HAAO: variants seen among roughly 807,000 people sequenced by gnomAD.
HAAO encodes 3-hydroxyanthranilate oxygenase.
In HAAO, 49 loss-of-function variants were observed where a neutral mutation model predicts 46.2. The observed-to-expected ratio is 1.06, with a 90% CI of 0.84 to 1.34. The LOEUF (loss-of-function observed/expected upper bound fraction) is 1.34. Among genes scored for constraint, HAAO ranks in the 40% most tolerant of loss-of-function variants. The pLI is 0.00. For missense variants in HAAO, 408 were observed against 364.5 expected (o/e 1.12, Z -0.97); for synonymous variants, 157 against 145.2 (o/e 1.08, Z -0.58).
chr2:42,788,684 G>T (rs1573958904), intron 1 of HAAO, 77 bp from the exon 2 acceptor site: 1 of 955,312 alleles, frequency 1.0e-6, no homozygotes, highest in Non-Finnish European at 1.7e-6. Context: ...GTGGGGGCCA[G>T]GAGGGAGCCT....
intron 2 of HAAO, among the ~76,000 whole-genome samples, chr2:42,786,231 G>A (rs942268319): frequency 2.0e-5 from 3 of 152,170 alleles, no homozygotes; most frequent in Non-Finnish European, 2.9e-5. Flanking sequence ...CCTGCTCAGA[G>A]GTCTTCCCTG....
intron 4 of HAAO, among the ~76,000 whole-genome samples, chr2:42,779,656 T>C (rs1671845695): frequency 2.0e-5 from 3 of 152,244 alleles, no homozygotes; most frequent in Admixed American, 6.5e-5. Context: ...GTTTGGAACA[T>C]TAAGTCTCTT....
At chr2:42,790,715 A>G (rs570772877) in intron 1 of HAAO, among the ~76,000 whole-genome samples, 2 of 152,104 alleles carry the variant, frequency 1.3e-5, no homozygotes, top group Non-Finnish European at 2.9e-5. Flanking sequence ...TATTTTTAGC[A>G]GAGACGGGGT....
chr2:42,790,914 T>C (rs12998043), intron 1 of HAAO, among the ~76,000 whole-genome samples: 121,775 of 152,152 alleles, frequency 0.8, 49,108 homozygotes, highest in Middle Eastern at 0.93. Context: ...CACTCAAGAA[T>C]TCTTTCAACC....
chr2:42,779,724 A>G (rs1291932754), intron 4 of HAAO, among the ~76,000 whole-genome samples: 1 of 152,228 alleles, frequency 6.6e-6, no homozygotes, highest in Admixed American at 6.5e-5. Context: ...CTTTGGTTAA[A>G]TGAATGATCC....
rs752624759 is a variant in HAAO, at chr2:42,792,572, C to T, written c.-36G>A. The T allele has an allele frequency of 1.4e-6, 2 of 1,475,490 alleles. No homozygotes were observed. Among genetic ancestry groups the T allele is most frequent in the African/African-American group, 1.5e-5 (1 of 68,584 alleles). 91.4% of individuals were successfully genotyped at this position (1,475,490 alleles called of 1,614,324 possible). On this transcript the variant is annotated 5_prime_UTR_variant, in exon 1 of 10. Transcript: ENST00000294973. ...GGCGCCTCCTCGCAGCGCTGTCCTC[C>T]CGCCGTCGGAGGCCCGCAGCTCCGC...
chr2:42,767,648 TC>T lies in HAAO; in HGVS notation c.728del (p.Gly243AspfsTer4). The T allele has an allele frequency of 6.4e-7, 1 of 1,567,794 alleles. No individual in the cohort carries two copies. The highest frequency in any genetic ancestry group is 8.7e-7 in the Non-Finnish European group (1 of 1,155,770). ...LEGSSVVTMG[G>X]RRLSLAPDDS... Reference sequence around the variant, plus strand: ...CATCAGGGGCCAGGCTCAGGCGCCGTCCCCCCATTGTCACCACCGAGGAGCC... The same window carrying T: ...CATCAGGGGCCAGGCTCAGGCGCCGTCCCCCATTGTCACCACCGAGGAGCC... On this transcript the variant is annotated frameshift_variant, in exon 9 of 10. Transcript: ENST00000294973. LOFTEE classifies it high-confidence loss of function.
intron 7 of HAAO, 72 bp downstream of exon 7, chr2:42,769,637 CAGTG>C: frequency 8.9e-7 from 1 of 1,127,542 alleles, no homozygotes; most frequent in Non-Finnish European, 1.3e-6. Flanking sequence ...GAGAGAGAGG[CAGTG>C]AGAGAGAGAC....
At chr2:42,769,309 C>T (rs1453858454) in intron 7 of HAAO, among the ~76,000 whole-genome samples, 4 of 152,178 alleles carry the variant, frequency 2.6e-5, no homozygotes, top group Admixed American at 1.3e-4. Flanking sequence ...CCACCCAACC[C>T]TCACTCCCAA....
chr2:42,790,231 C>A (rs376913677), intron 1 of HAAO, among the ~76,000 whole-genome samples: 3 of 152,096 alleles, frequency 2.0e-5, no homozygotes, highest in East Asian at 3.9e-4. Context: ...CCCAATAAAC[C>A]GGAAACACAC....
chr2:42,785,726 G>C (rs1672333211), intron 2 of HAAO, among the ~76,000 whole-genome samples: 1 of 152,048 alleles, frequency 6.6e-6, no homozygotes, highest in South Asian at 2.1e-4. Flanking sequence ...GCTGAGTATG[G>C]TGATGTGTGC....
intron 4 of HAAO, among the ~76,000 whole-genome samples, chr2:42,777,730 C>T (rs946014478): frequency 6.6e-6 from 1 of 151,716 alleles, no homozygotes; most frequent in Admixed American, 6.6e-5. Context: ...AATTTAGAAT[C>T]TAAAGTTAAA....
chr2:42,767,935 G>T lies in HAAO; in HGVS notation c.631-7C>A. ...CTTGCCCATAGGCGATCACCTGGTG[G>T]GAGGTGAAACAGAAACTTCTGGTGC... On this transcript the variant is annotated splice_polypyrimidine_tract_variant and splice_region_variant and intron_variant, in intron 7 of 9. Coordinates refer to ENST00000294973, the MANE Select transcript of HAAO (RefSeq NM_012205.3). The T allele has an allele frequency of 1.9e-6, 3 of 1,613,140 alleles. No homozygotes were observed. Among genetic ancestry groups the T allele is most frequent in the Non-Finnish European group, 1.7e-6 (2 of 1,179,214 alleles).
intron 4 of HAAO, among the ~76,000 whole-genome samples, chr2:42,780,241 C>T (rs1200738125): frequency 1.4e-5 from 2 of 148,144 alleles, no homozygotes; most frequent in African/African-American, 5.0e-5. Context: ...TGGAGTCTCG[C>T]TCTGTTGCCA....
intron 1 of HAAO, among the ~76,000 whole-genome samples, chr2:42,789,485 G>T (rs1227857171): frequency 5.3e-5 from 8 of 152,122 alleles, no homozygotes; most frequent in Non-Finnish European, 1.2e-4. Context: ...CACGAGAATC[G>T]CTTGAACCTG....
At chr2:42,773,181 G>C (rs1239714513) in intron 4 of HAAO, among the ~76,000 whole-genome samples, 1 of 152,226 alleles carries the variant, frequency 6.6e-6, no homozygotes, top group Admixed American at 6.5e-5. Flanking sequence ...TATAATGCCA[G>C]ATCTAGCAAG....
chr2:42,780,676 T>C (rs950147106), intron 4 of HAAO, among the ~76,000 whole-genome samples: 13 of 152,110 alleles, frequency 8.5e-5, no homozygotes, highest in Non-Finnish European at 1.5e-4. Flanking sequence ...GTAATCTTTT[T>C]TACTTTTGCT....
At position 42,783,125 on chromosome 2, in the gene HAAO, C is replaced by T. The variant is rs566867422; in HGVS notation, c.350+189G>A. 6.2e-5 allele frequency: 37 copies of T among 592,008 alleles called. No homozygotes were observed. The African/African-American group carries it at 6.5e-4, about 10-fold the overall frequency. The allele number at this position is 592,008 out of a possible 1,614,324, so 36.7% of individuals were successfully genotyped here. ...GGGTCACAGAGAACAGAATCCACCCCACTCTACCCCTCCACCATCAGCCAA... is the reference window on the plus strand; with the variant it reads ...GGGTCACAGAGAACAGAATCCACCCTACTCTACCCCTCCACCATCAGCCAA... On this transcript the variant is annotated intron_variant, in intron 4 of 9. Coordinates refer to ENST00000294973, the MANE Select transcript of HAAO (RefSeq NM_012205.3).
chr2:42,785,678 T>TG (rs1376856182), intron 2 of HAAO, among the ~76,000 whole-genome samples: 4 of 151,972 alleles, frequency 2.6e-5, no homozygotes, highest in Non-Finnish European at 4.4e-5. Flanking sequence ...CTGGGCAACA[T>TG]GGTGAGACCC....
Sources: allele counts gnomAD v4.1 joint callset (sites outside exome capture counted in the v4.1 genomes callset), GRCh38; gene constraint gnomAD v4.1.1; transcripts MANE v1.5; gene names NCBI Gene and HGNC (gene_info 2026-07-23, HGNC 2026-07-21).